The following SGCZ variants were observed in gnomAD, a reference collection of about 807,000 sequenced individuals.
The protein encoded by SGCZ is zeta-sarcoglycan.
In SGCZ, 40 loss-of-function variants were observed where a neutral mutation model predicts 41.3. The observed-to-expected ratio is 0.97, with a 90% CI of 0.75 to 1.26. SGCZ has a LOEUF of 1.26. Among genes scored for constraint, SGCZ ranks in the 50% most tolerant of loss-of-function variants. The pLI is 0.00. For synonymous variants in SGCZ, 206 were observed against 137.5 expected (o/e 1.50, Z -3.49); for missense variants, 552 against 369.8 (o/e 1.49, Z -4.04).
At chr8:14,599,851 C>CA (rs1431255238) in intron 1 of SGCZ, among the ~76,000 whole-genome samples, 1 of 152,022 alleles carries the variant, frequency 6.6e-6, no homozygotes, top group Non-Finnish European at 1.5e-5. Flanking sequence ...ATCATACAAA[C>CA]AAAAGACCCT....
intron 1 of SGCZ, among the ~76,000 whole-genome samples, chr8:15,036,308 A>G (rs1803871900): frequency 6.6e-6 from 1 of 152,126 alleles, no homozygotes; most frequent in Non-Finnish European, 1.5e-5. Flanking sequence ...ATCTGAATAG[A>G]CCAATAAAGA....
intron 1 of SGCZ, among the ~76,000 whole-genome samples, chr8:14,686,213 T>A (rs551261336): frequency 2.6e-5 from 4 of 152,120 alleles, no homozygotes; most frequent in Non-Finnish European, 5.9e-5. Flanking sequence ...TAGAAGTAAT[T>A]TGGAATCTTG....
At chr8:14,571,349 A>G (rs913391346) in intron 1 of SGCZ, among the ~76,000 whole-genome samples, 4 of 152,184 alleles carry the variant, frequency 2.6e-5, no homozygotes, top group Admixed American at 6.5e-5. Context: ...CATATCAACA[A>G]TTGCAAATGT....
Position 14,270,081 on chromosome 8 carries a change from C to T in SGCZ, c.337-32402G>A, listed in dbSNP as rs377377241. Reference sequence around the variant, plus strand: ...GTGTGGTGGTTCACGCCTATAATCCCGGCACTTTGGGAGGCCGAGGCAAGT... The same window carrying T: ...GTGTGGTGGTTCACGCCTATAATCCTGGCACTTTGGGAGGCCGAGGCAAGT... On this transcript the variant is annotated intron_variant, in intron 3 of 7. Coordinates refer to ENST00000382080, the MANE Select transcript of SGCZ (RefSeq NM_139167.4). Among the ~76,000 whole-genome samples the T allele has an allele frequency of 7.1e-4, 108 of 152,126 alleles. 1 individual carries two copies. In the East Asian group the frequency reaches 0.012, roughly 17 times the overall value.
chr8:14,137,516 G>C (rs181748098), intron 5 of SGCZ, among the ~76,000 whole-genome samples: 1 of 152,252 alleles, frequency 6.6e-6, no homozygotes, highest in Non-Finnish European at 1.5e-5. Context: ...AATGGCATGA[G>C]AACTATGTGA....
chr8:14,843,120 G>C (rs573948195), intron 1 of SGCZ, among the ~76,000 whole-genome samples: 5 of 152,168 alleles, frequency 3.3e-5, no homozygotes, highest in African/African-American at 4.8e-5. Context: ...GCTGAGGCAG[G>C]AGAATTGCTT....
chr8:14,942,870 T>C (rs1800322773), intron 1 of SGCZ, among the ~76,000 whole-genome samples: 1 of 152,080 alleles, frequency 6.6e-6, no homozygotes, highest in South Asian at 2.1e-4. Context: ...ATTTCCAAGT[T>C]CTCAGAGGCA....
At chr8:14,555,660 T>C (rs1207299288) in intron 1 of SGCZ, among the ~76,000 whole-genome samples, 1 of 152,032 alleles carries the variant, frequency 6.6e-6, no homozygotes, top group Non-Finnish European at 1.5e-5. Context: ...CAAGCTACAC[T>C]TAGACTATGA....
At chr8:15,131,209 T>C (rs1807885553) in intron 1 of SGCZ, among the ~76,000 whole-genome samples, 1 of 152,208 alleles carries the variant, frequency 6.6e-6, no homozygotes, top group African/African-American at 2.4e-5. Context: ...GCCAGGATTC[T>C]CATGTGCTGT....
intron 3 of SGCZ, among the ~76,000 whole-genome samples, chr8:14,312,229 T>C (rs1801570321): frequency 6.6e-6 from 1 of 152,198 alleles, no homozygotes. Flanking sequence ...ATGTGTTTCT[T>C]ACTGTGGTTC....
At chr8:14,827,601 A>C (rs1802378396) in intron 1 of SGCZ, among the ~76,000 whole-genome samples, 1 of 152,148 alleles carries the variant, frequency 6.6e-6, no homozygotes, top group Non-Finnish European at 1.5e-5. Flanking sequence ...GTGAAAAAGA[A>C]AGAGTCTGTG....
intron 2 of SGCZ, among the ~76,000 whole-genome samples, chr8:14,365,230 A>G (rs554034314): frequency 2.0e-5 from 3 of 152,172 alleles, no homozygotes; most frequent in African/African-American, 7.2e-5. Flanking sequence ...ACATTTTAAA[A>G]ATGCATTTAT....
intron 1 of SGCZ, among the ~76,000 whole-genome samples, chr8:14,961,318 T>C (rs1478274523): frequency 6.6e-6 from 1 of 152,168 alleles, no homozygotes; most frequent in African/African-American, 2.4e-5. Context: ...ACTGAACTTC[T>C]TGGAAACATC....
intron 2 of SGCZ, among the ~76,000 whole-genome samples, chr8:14,330,891 C>T (rs980701305): frequency 5.3e-5 from 8 of 151,830 alleles, no homozygotes; most frequent in African/African-American, 1.2e-4. Flanking sequence ...AAAAGCTTTT[C>T]AAACAAAATT....
At chr8:14,685,633 T>C (rs1365114715) in intron 1 of SGCZ, among the ~76,000 whole-genome samples, 1 of 152,124 alleles carries the variant, frequency 6.6e-6, no homozygotes, top group Non-Finnish European at 1.5e-5. Context: ...AATCACTACA[T>C]ATGAGTTATT....
At chr8:15,085,247 G>T (rs1474065748) in intron 1 of SGCZ, among the ~76,000 whole-genome samples, 1 of 152,060 alleles carries the variant, frequency 6.6e-6, no homozygotes, top group Non-Finnish European at 1.5e-5. Flanking sequence ...TAACTTCTAT[G>T]CTCTCATTTT....
intron 1 of SGCZ, among the ~76,000 whole-genome samples, chr8:14,886,027 ATATATAT>A (rs1563339202): frequency 5.1e-5 from 6 of 117,964 alleles, no homozygotes; most frequent in Admixed American, 9.1e-5. Context: ...ATATATATAT[ATATATAT>A]AAAATTGTAT....
chr8:14,830,549 A>T (rs918567730), intron 1 of SGCZ, among the ~76,000 whole-genome samples: 13 of 152,180 alleles, frequency 8.5e-5, no homozygotes, highest in Non-Finnish European at 1.8e-4. Context: ...ATATGTTTTT[A>T]ATAATCACAG....
intron 1 of SGCZ, among the ~76,000 whole-genome samples, chr8:15,230,638 G>T (rs1031239496): frequency 5.3e-5 from 8 of 152,242 alleles, no homozygotes; most frequent in Non-Finnish European, 1.2e-4. Context: ...TCTGAGCCCT[G>T]GAAGACAATT....
Sources: allele counts gnomAD v4.1 joint callset (sites outside exome capture counted in the v4.1 genomes callset), GRCh38; gene constraint gnomAD v4.1.1; transcripts MANE v1.5; gene names NCBI Gene and HGNC (gene_info 2026-07-23, HGNC 2026-07-21).